WIPF2: variants seen among roughly 807,000 people sequenced by gnomAD.
WIPF2 encodes WAS/WASL-interacting protein family member 2.
A neutral mutation model predicts 38.8 loss-of-function variants in WIPF2; 23 were observed. The ratio of observed to expected loss-of-function variants is 0.59; its 90% confidence interval spans 0.43 to 0.84. The LOEUF (loss-of-function observed/expected upper bound fraction) is 0.84, where lower values mean the gene tolerates loss of function less well. Ranked by LOEUF, WIPF2 falls within the 40% of genes least tolerant of loss-of-function variation. WIPF2 has a pLI of 0.00. For missense variants in WIPF2, 574 were observed against 580.5 expected (o/e 0.99, Z 0.11); for synonymous variants, 210 against 223.2 (o/e 0.94, Z 0.53).
At chr17:40,236,915 G>A (rs2030994650) in intron 1 of WIPF2, among the ~76,000 whole-genome samples, 1 of 152,030 alleles carries the variant, frequency 6.6e-6, no homozygotes, top group East Asian at 1.9e-4. Context: ...ATGCTATTTT[G>A]ACTCTAGATT....
chr17:40,223,326 A>G (rs2030332622), intron 1 of WIPF2, among the ~76,000 whole-genome samples: 1 of 151,816 alleles, frequency 6.6e-6, no homozygotes, highest in Admixed American at 6.6e-5. Context: ...TTTAGTAGAG[A>G]CAGGGTTTTG....
At chr17:40,263,335 C>T in intron 4 of WIPF2, among the ~76,000 whole-genome samples, 1 of 151,934 alleles carries the variant, frequency 6.6e-6, no homozygotes, top group Non-Finnish European at 1.5e-5. Context: ...GTTCGCCCTC[C>T]TATGAGAATC....
intron 3 of WIPF2, 116 bp from the exon 4 acceptor site, chr17:40,262,409 C>T: frequency 1.3e-6 from 1 of 771,244 alleles, no homozygotes; most frequent in African/African-American, 1.7e-5. Context: ...AGGGCAAAAA[C>T]AAGACTGGTT....
chr17:40,272,022 CTT>C (rs112586864), intron 5 of WIPF2, among the ~76,000 whole-genome samples: 20 of 142,130 alleles, frequency 1.4e-4, no homozygotes, highest in East Asian at 2.0e-4. Context: ...TGAACATTTT[CTT>C]TTTTTTTTTT....
Position 40,264,942 on chromosome 17 carries a change from C to T in WIPF2, c.766C>T (p.Arg256Cys), listed in dbSNP as rs747486431. The change falls in exon 5 of 8, where the codon CGC (arginine) becomes TGC (cysteine). Residue 256 changes from arginine to cysteine, a missense_variant. Transcript: ENST00000323571. Reference protein sequence around the residue: ...QSLAPPPPPYRQPPGVPNGPS... With the variant: ...QSLAPPPPPYCQPPGVPNGPS... ...TCTGGCTCCTCCTCCTCCGCCTTAC[C>T]GCCAGCCTCCTGGGGTCCCCAATGG... is the stretch of plus-strand genomic sequence containing the variant. The T allele has an allele frequency of 1.4e-5, 23 of 1,614,092 alleles. No individual in the cohort carries two copies. The highest frequency in any genetic ancestry group is 9.3e-5 in the African/African-American group (7 of 74,936).
rs528401568 is a variant in WIPF2, at chr17:40,277,723, C to CTT, written c.1283-444_1283-443dup. 3.3e-4 allele frequency among the ~76,000 whole-genome samples: 32 copies of CTT among 97,606 alleles called. 1 individual carries two copies. Among genetic ancestry groups the CTT allele is most frequent in the Admixed American group, 9.9e-4 (10 of 10,058 alleles). 64.0% of individuals were successfully genotyped at this position (97,606 alleles called of 152,430 possible). On this transcript the variant is annotated intron_variant, in intron 7 of 7. Transcript: ENST00000323571. The stretch of plus-strand genomic sequence containing the variant: ...ATTGCTTCTCATCATCTTCGTTGTC[C>CTT]TTTTTTTTTTTTTTTTTTTGAGATA...
At chr17:40,226,699 A>G (rs2030506534) in intron 1 of WIPF2, among the ~76,000 whole-genome samples, 3 of 152,130 alleles carry the variant, frequency 2.0e-5, no homozygotes, top group African/African-American at 7.2e-5. Flanking sequence ...AGAAATAAGA[A>G]CAGAACTGTT....
chr17:40,231,987 A>G (rs1300635163), intron 1 of WIPF2, among the ~76,000 whole-genome samples: 1 of 147,110 alleles, frequency 6.8e-6, no homozygotes, highest in Non-Finnish European at 1.5e-5. Context: ...AACAAGACCT[A>G]AAAAGAGAGT....
chr17:40,264,341 A>AG (rs2032007597), intron 4 of WIPF2, 149 bp from the exon 5 acceptor site: 5 of 662,666 alleles, frequency 7.5e-6, no homozygotes, highest in Non-Finnish European at 1.2e-5. Context: ...AAAAAAAAAA[A>AG]AAAAAAAAAA....
intron 3 of WIPF2, chr17:40,260,874 C>T (rs1282336027): frequency 4.3e-5 from 28 of 655,956 alleles, no homozygotes; most frequent in Admixed American, 9.6e-5. Flanking sequence ...ACCATCTCAC[C>T]GGGCATGGTG....
chr17:40,242,167 C>G (rs1289433726), intron 1 of WIPF2, among the ~76,000 whole-genome samples: 1 of 152,102 alleles, frequency 6.6e-6, no homozygotes, highest in African/African-American at 2.4e-5. Context: ...TGTTTGAGGT[C>G]AGGAGTTTGA....
Position 40,265,133 on chromosome 17 carries a change from C to T in WIPF2, c.957C>T (p.Pro319=). 6.2e-7 allele frequency: 1 copy of T among 1,607,210 alleles called. No homozygotes were observed. Among genetic ancestry groups the T allele is most frequent in the Non-Finnish European group, 8.5e-7 (1 of 1,176,194 alleles). The change falls in exon 5 of 8, where the codon CCC becomes CCT. Residue 319 remains proline (P), a synonymous_variant. Transcript: ENST00000323571. ...CACCTCCCCCAGCCCGAGACCCTCCCAGTCGGGGAGCAGGTAAGTGCTTGG... is the reference window on the plus strand; with the variant it reads ...CACCTCCCCCAGCCCGAGACCCTCCTAGTCGGGGAGCAGGTAAGTGCTTGG... ...NRPPPPARDP[P]SRGAAPPPPP...
intron 3 of WIPF2, among the ~76,000 whole-genome samples, chr17:40,262,258 AT>A (rs1855443642): frequency 6.6e-6 from 1 of 150,798 alleles, no homozygotes; most frequent in South Asian, 2.1e-4. Flanking sequence ...AATTTTTGAA[AT>A]TTTTTGTAGA....
At position 40,264,636 on chromosome 17, in the gene WIPF2, C is replaced by A; in HGVS notation, c.460C>A (p.Pro154Thr). The change falls in exon 5 of 8, where the codon CCC becomes ACC. Residue 154 changes from proline (P) to threonine (T), a missense_variant. Transcript: ENST00000323571. ...SLPELPRMQR[P>T]SLPDLSRPNT... ...CCCAGAACTGCCCCGGATGCAGAGA[C>A]CCTCTTTACCGGACCTCTCTCGGCC... The A allele has an allele frequency of 6.2e-7, 1 of 1,614,002 alleles. No homozygotes were observed. The highest frequency in any genetic ancestry group is 1.3e-5 in the African/African-American group (1 of 75,044).
At chr17:40,220,855 A>C (rs2030203698) in intron 1 of WIPF2, among the ~76,000 whole-genome samples, 1 of 148,794 alleles carries the variant, frequency 6.7e-6, no homozygotes, top group South Asian at 2.1e-4. Flanking sequence ...GCTCACTGCA[A>C]GCTCCGCCTC....
rs537910301 is a variant in WIPF2 at position 40,252,567 on chromosome 17, G to T, written c.-69-3824G>T. 4.0e-5 allele frequency among the ~76,000 whole-genome samples: 6 copies of T among 151,892 alleles called. No individual in the cohort carries two copies. The South Asian group carries it at 1.2e-3, about 32-fold the overall frequency. On this transcript the variant is annotated intron_variant, in intron 1 of 7. Coordinates refer to ENST00000323571, the MANE Select transcript of WIPF2 (RefSeq NM_133264.5). ...TAGTCCCAGCTGTTTGGGAGGTTGA[G>T]GCAGGAGAATCGCTTGAACCTGGGA... is the stretch of plus-strand genomic sequence containing the variant.
intron 1 of WIPF2, among the ~76,000 whole-genome samples, chr17:40,238,111 C>A (rs1445203669): frequency 2.0e-5 from 3 of 151,558 alleles, no homozygotes; most frequent in Non-Finnish European, 4.4e-5. Flanking sequence ...CCCGCCTTGG[C>A]CTCCCAACGT....
intron 1 of WIPF2, among the ~76,000 whole-genome samples, chr17:40,251,874 A>G (rs1386106041): frequency 2.0e-5 from 3 of 152,246 alleles, no homozygotes; most frequent in Non-Finnish European, 2.9e-5. Flanking sequence ...CTGTGGAGCC[A>G]GAAGAAAGCT....
At chr17:40,222,727 A>G (rs1211552151) in intron 1 of WIPF2, among the ~76,000 whole-genome samples, 1 of 119,828 alleles carries the variant, frequency 8.3e-6, no homozygotes, top group African/African-American at 3.3e-5. Flanking sequence ...CTGGAGTGGA[A>G]TGGCGCAGTC....
Sources: allele counts gnomAD v4.1 joint callset (sites outside exome capture counted in the v4.1 genomes callset), GRCh38; gene constraint gnomAD v4.1.1; transcripts MANE v1.5; gene names NCBI Gene and HGNC (gene_info 2026-07-23, HGNC 2026-07-21).